The following SLC4A1 variants were observed in gnomAD, a reference collection of about 807,000 sequenced individuals.
The protein encoded by SLC4A1 is band 3 anion transport protein.
In SLC4A1, 29 loss-of-function variants were observed where a neutral mutation model predicts 93.1. The observed-to-expected ratio is 0.31, with a 90% CI of 0.23 to 0.42. SLC4A1 has a LOEUF of 0.42. Among genes scored for constraint, SLC4A1 ranks in the 20% least tolerant of loss-of-function variants. The pLI, the probability that SLC4A1 is intolerant of heterozygous loss-of-function variation, is 1.00. For missense variants in SLC4A1, 965 were observed against 1,190.1 expected (o/e 0.81, Z 2.78); for synonymous variants, 469 against 497.2 (o/e 0.94, Z 0.76).
chr17:44,259,444 G>T, intron 8 of SLC4A1, 53 bp downstream of exon 8: 1 of 1,600,614 alleles, frequency 6.2e-7, no homozygotes, highest in Non-Finnish European at 8.6e-7. Flanking sequence ...AAGACAGGCT[G>T]AGCCAAGACA....
chr17:44,263,448 C>T (rs947580450), intron 1 of SLC4A1, among the ~76,000 whole-genome samples: 1 of 152,178 alleles, frequency 6.6e-6, no homozygotes, highest in African/African-American at 2.4e-5. Flanking sequence ...TCCCTGACCC[C>T]ATCTTGCACT....
rs1270796249 is a variant in SLC4A1 at position 44,260,500 on chromosome 17, C to G, written c.389G>C (p.Gly130Ala). The stretch of plus-strand genomic sequence containing the variant: ...CCTGTCTAGCAGTTGGTTGGCCACT[C>G]CAGCCAGGGAGGTCTCTTGCAGGTC... Reference protein sequence around the residue: ...LLDLQETSLAGVANQLLDRFI... With the variant: ...LLDLQETSLAAVANQLLDRFI... Residue 130 changes from glycine (G) to alanine (A), a missense_variant, in exon 6 of 20, where the codon GGA becomes GCA. Coordinates refer to ENST00000262418, the MANE Select transcript of SLC4A1 (RefSeq NM_000342.4). The G allele has an allele frequency of 3.7e-6, 6 of 1,614,166 alleles. No individual in the cohort carries two copies. Among genetic ancestry groups the G allele is most frequent in the Non-Finnish European group, 4.2e-6 (5 of 1,180,010 alleles).
Position 44,262,644 on chromosome 17 carries a change from T to C in SLC4A1, c.98A>G (p.Glu33Gly). Residue 33 changes from glutamate to glycine, a missense_variant, in exon 3 of 20, where the codon GAG becomes GGG. Physicochemically the swap from Glu to Gly is moderately conservative, Grantham distance 98. Coordinates refer to ENST00000262418, the MANE Select transcript of SLC4A1 (RefSeq NM_000342.4). Reference sequence around the variant, plus strand: ...GAGGGAGAGGGGCTCACCTGCCGGCTCCTCCATCTGGGACTCGGGGATGTC... The same window carrying C: ...GAGGGAGAGGGGCTCACCTGCCGGCCCCTCCATCTGGGACTCGGGGATGTC... ...DPDIPESQMEEPAAHDTEATA... is the reference protein window; with the variant it reads ...DPDIPESQMEGPAAHDTEATA... The C allele has an allele frequency of 6.2e-7, 1 of 1,611,614 alleles. No individual in the cohort carries two copies. The highest frequency in any genetic ancestry group is 2.2e-5 in the East Asian group (1 of 44,796).
chr17:44,254,725 G>A, intron 15 of SLC4A1, 63 bp from the exon 16 acceptor site: 1 of 1,536,380 alleles, frequency 6.5e-7, no homozygotes, highest in Non-Finnish European at 8.9e-7. Context: ...GTGGGAGCAG[G>A]AGGAGCCAGG....
intron 1 of SLC4A1, among the ~76,000 whole-genome samples, chr17:44,265,880 C>T (rs889402007): frequency 1.3e-4 from 20 of 151,760 alleles, no homozygotes; most frequent in African/African-American, 4.6e-4. Context: ...ACTCAGGAAG[C>T]TGAGGCAGGA....
At chr17:44,265,561 C>T (rs369878103) in intron 1 of SLC4A1, among the ~76,000 whole-genome samples, 93 of 152,102 alleles carry the variant, frequency 6.1e-4, no homozygotes, top group African/African-American at 2.2e-3. Context: ...TTAGTAGAGA[C>T]GGGGTTTCAC....
At chr17:44,250,643 TCTTGAA>T in intron 19 of SLC4A1, 105 bp from the exon 20 acceptor site, 1 of 842,842 alleles carries the variant, frequency 1.2e-6, no homozygotes, top group Non-Finnish European at 2.0e-6. Flanking sequence ...GGTCTGGCTG[TCTTGAA>T]CCTTGGACCA....
At chr17:44,264,902 G>A (rs2047482157) in intron 1 of SLC4A1, among the ~76,000 whole-genome samples, 1 of 151,884 alleles carries the variant, frequency 6.6e-6, no homozygotes, top group Non-Finnish European at 1.5e-5. Context: ...ACAGGGCATT[G>A]AGGTGACAGG....
chr17:44,266,819 G>A (rs2047499800), intron 1 of SLC4A1, among the ~76,000 whole-genome samples: 1 of 152,162 alleles, frequency 6.6e-6, no homozygotes, highest in Admixed American at 6.5e-5. Flanking sequence ...ATAAGGGTGA[G>A]CGGGACATCT....
At chr17:44,262,989 T>C in intron 1 of SLC4A1, 55 bp from the exon 2 acceptor site, 4 of 1,482,878 alleles carry the variant, frequency 2.7e-6, no homozygotes, top group Non-Finnish European at 3.7e-6. Context: ...GGTCTCCTGG[T>C]CCTCCTCCAG....
chr17:44,262,381 C>G (rs1162200296), intron 3 of SLC4A1, among the ~76,000 whole-genome samples: 1 of 152,264 alleles, frequency 6.6e-6, no homozygotes, highest in Non-Finnish European at 1.5e-5. Context: ...GGCTCACGCC[C>G]TTGTCCCAAA....
In SLC4A1 at chr17:44,250,478, C is replaced by T. The variant is rs199694087; in HGVS notation, c.2716G>A (p.Glu906Lys). ...DEEEGRDEYD[E>K]VAMPV ...GCCCCTCACACAGGCATGGCCACTT[C>T]GTCGTATTCATCCCGACCTTCCTCC... Residue 906 changes from glutamate (E) to lysine (K), a missense_variant, in exon 20 of 20, where the codon GAA becomes AAA. Coordinates refer to ENST00000262418, the MANE Select transcript of SLC4A1 (RefSeq NM_000342.4). 1.2e-6 allele frequency: 2 copies of T among 1,613,774 alleles called. No individual in the cohort carries two copies. Among genetic ancestry groups the T allele is most frequent in the Non-Finnish European group, 1.7e-6 (2 of 1,179,894 alleles).
intron 18 of SLC4A1, 22 bp downstream of exon 18, chr17:44,251,397 C>T: frequency 1.2e-6 from 2 of 1,614,232 alleles, no homozygotes; most frequent in Middle Eastern, 3.3e-4. Context: ...CCAGGCTGGG[C>T]AGCCAGAAAA....
Position 44,250,067 on chromosome 17 carries a change from G to A in SLC4A1, c.*391C>T, listed in dbSNP as rs1344762108. The stretch of plus-strand genomic sequence containing the variant: ...CAGAAGAGGAAATATAGGCTGGAAA[G>A]GTCAAGGGACTTGCCCAAGGTCACA... On this transcript the variant is annotated 3_prime_UTR_variant, in exon 20 of 20. Coordinates refer to ENST00000262418, the MANE Select transcript of SLC4A1 (RefSeq NM_000342.4). The A allele has an allele frequency of 2.7e-5, 8 of 291,616 alleles. No individual in the cohort carries two copies. The highest frequency in any genetic ancestry group is 5.4e-5 in the Non-Finnish European group (8 of 148,318). 18.1% of individuals were successfully genotyped at this position (291,616 alleles called of 1,614,324 possible). A position where few individuals can be genotyped will look rare whatever the true frequency, so the allele number is the denominator to read the frequency against.
chr17:44,262,522 C>CG (rs1567836126), intron 3 of SLC4A1, 114 bp downstream of exon 3: 4 of 747,368 alleles, frequency 5.4e-6, no homozygotes, highest in African/African-American at 3.5e-5. Context: ...GAGGGGAGAA[C>CG]GGCCCGTGGT....
In SLC4A1 at chr17:44,258,852, G is replaced by C. The variant is rs2047414630; in HGVS notation, c.877-229C>G. ...AGGAGAAGGAACTAAAGCTAACCTG[G>C]TGGGTTAAGCAGACTAGATGAAACT... On this transcript the variant is annotated intron_variant, in intron 9 of 19. Coordinates refer to ENST00000262418, the MANE Select transcript of SLC4A1 (RefSeq NM_000342.4). This position sits in a 1 kb window ranked among gnomAD's most constrained non-coding sequence, Gnocchi z 6.1. 3.9e-5 allele frequency among the ~76,000 whole-genome samples: 6 copies of C among 152,132 alleles called. No individual in the cohort carries two copies. The highest frequency in any genetic ancestry group is 3.9e-4 in the Admixed American group (6 of 15,270).
intron 1 of SLC4A1, among the ~76,000 whole-genome samples, chr17:44,264,332 C>T (rs2144628830): frequency 6.6e-6 from 1 of 152,222 alleles, no homozygotes; most frequent in South Asian, 2.1e-4. Context: ...GTGACGTATA[C>T]CTGTAGTCCC....
At chr17:44,259,119 G>T in intron 9 of SLC4A1, 44 bp downstream of exon 9, 1 of 1,602,660 alleles carries the variant, frequency 6.2e-7, no homozygotes, top group Non-Finnish European at 8.5e-7. Flanking sequence ...CCACCATGCA[G>T]GTCCCAAGCT....
In SLC4A1 at chr17:44,251,569, C is replaced by A; in HGVS notation, c.2331G>T (p.Glu777Asp). ...AVLVGLSILMEPILSRIPLAV... is the reference protein window; with the variant it reads ...AVLVGLSILMDPILSRIPLAV... ...CCAGGGGGATGCGGGACAGGATGGGCTCCATGAGGATGGACAGGCCTGTGG... is the reference window on the plus strand; with the variant it reads ...CCAGGGGGATGCGGGACAGGATGGGATCCATGAGGATGGACAGGCCTGTGG... Residue 777 changes from glutamate (E) to aspartate (D), a missense_variant, in exon 18 of 20, where the codon GAG becomes GAT. Physicochemically the swap from Glu to Asp is conservative, Grantham distance 45 (BLOSUM62 2). This residue lies in a region of SLC4A1 where 770 missense variants were observed against 1,006.6 expected (regional missense o/e 0.76). Coordinates refer to ENST00000262418, the MANE Select transcript of SLC4A1 (RefSeq NM_000342.4). 6.2e-7 allele frequency: 1 copy of A among 1,614,070 alleles called. No individual in the cohort carries two copies.
Sources: allele counts gnomAD v4.1 joint callset (sites outside exome capture counted in the v4.1 genomes callset), GRCh38; gene constraint gnomAD v4.1.1; regional missense constraint gnomAD v4.1.1; non-coding constraint Gnocchi (gnomAD v3.1); transcripts MANE v1.5; gene names NCBI Gene and HGNC (gene_info 2026-07-23, HGNC 2026-07-21).